Variants in HIVEP1 observed in about 807,000 individuals in gnomAD.
The protein encoded by HIVEP1 is zinc finger protein 40.
A neutral mutation model predicts 180.0 loss-of-function variants in HIVEP1; 36 were observed. The ratio of observed to expected loss-of-function variants is 0.20; its 90% CI spans 0.15 to 0.26. The LOEUF is 0.26. Ranked by LOEUF, HIVEP1 falls within the 10% of genes least tolerant of loss-of-function variation. HIVEP1 has a pLI of 1.00. For synonymous variants in HIVEP1, 1,239 were observed against 1,239.0 expected (o/e 1.00, Z 0.00); for missense variants, 3,143 against 3,268.7 (o/e 0.96, Z 0.94).
chr6:12,186,959 T>G, the HIVEP1 span, among the ~76,000 whole-genome samples: 1 of 151,822 alleles, frequency 6.6e-6, no homozygotes, highest in Admixed American at 6.6e-5. Flanking sequence ...ATGGAAAATC[T>G]GGAACTAAAA....
the HIVEP1 span, among the ~76,000 whole-genome samples, chr6:12,199,121 A>G: frequency 6.6e-6 from 1 of 152,168 alleles, no homozygotes; most frequent in Non-Finnish European, 1.5e-5. Flanking sequence ...TACAGTCTGT[A>G]ACAGTTATTA....
At chr6:12,180,720 A>G in the HIVEP1 span, among the ~76,000 whole-genome samples, 1 of 152,206 alleles carries the variant, frequency 6.6e-6, no homozygotes, top group Admixed American at 6.5e-5. Context: ...AGAAGCCACA[A>G]CTTCTTTTCC....
intron 2 of HIVEP1, among the ~76,000 whole-genome samples, chr6:12,036,901 C>T (rs1011900344): frequency 2.0e-5 from 3 of 152,214 alleles, no homozygotes; most frequent in Admixed American, 6.5e-5. Flanking sequence ...GAAGATTCAT[C>T]TCAAAAACCA....
the HIVEP1 span, among the ~76,000 whole-genome samples, chr6:12,199,779 T>A: frequency 2.0e-5 from 3 of 152,226 alleles, no homozygotes; most frequent in African/African-American, 7.2e-5. Context: ...ACATAAAAGC[T>A]ATATGTTGTG....
chr6:12,128,624 A>G (rs1581745670), intron 4 of HIVEP1, among the ~76,000 whole-genome samples: 1 of 152,162 alleles, frequency 6.6e-6, no homozygotes, highest in Non-Finnish European at 1.5e-5. Context: ...TGGGATATAT[A>G]GTCCACCTGT....
rs1178268199 is a variant in HIVEP1 at position 12,123,753 on chromosome 6, G to A, written c.3958G>A (p.Ala1320Thr). 3.7e-6 allele frequency: 6 copies of A among 1,614,046 alleles called. No individual in the cohort carries two copies. Among genetic ancestry groups the A allele is most frequent in the Non-Finnish European group, 5.1e-6 (6 of 1,180,016 alleles). Residue 1320 changes from alanine to threonine, a missense_variant, in exon 4 of 9, where the codon GCC (alanine) becomes ACC (threonine). This residue lies in a region of HIVEP1 where 1,357 missense variants were observed against 1,260.5 expected (regional missense o/e 1.08). Coordinates refer to ENST00000379388, the MANE Select transcript of HIVEP1 (RefSeq NM_002114.4). ...SSLSHTSSFS[A>T]SLDIEDVSKT... ...TTTATCTCACACTTCAAGTTTCTCA[G>A]CCTCTTTAGACATAGAGGACGTTTC... is the stretch of plus-strand genomic sequence containing the variant.
chr6:12,051,028 A>ATATATATATATATG (rs1195272910), intron 2 of HIVEP1, among the ~76,000 whole-genome samples: 3 of 136,146 alleles, frequency 2.2e-5, no homozygotes, highest in Admixed American at 7.2e-5. Context: ...ATATATATAT[A>ATATATATATATATG]TATGTATATT....
chr6:12,168,201 T>C (rs573117005), downstream of HIVEP1, among the ~76,000 whole-genome samples: 57 of 91,958 alleles, frequency 6.2e-4, 4 homozygotes, highest in East Asian at 3.0e-3. Flanking sequence ...CGTGTATATA[T>C]ACATATATAC....
At chr6:12,014,485 T>G (rs1163411690) in intron 1 of HIVEP1, among the ~76,000 whole-genome samples, 1 of 152,236 alleles carries the variant, frequency 6.6e-6, no homozygotes, top group Admixed American at 6.5e-5. Context: ...TCATAAGTGT[T>G]CTCTTGTCTT....
At chr6:12,189,187 A>C in the HIVEP1 span, among the ~76,000 whole-genome samples, 2 of 152,008 alleles carry the variant, frequency 1.3e-5, no homozygotes, top group Admixed American at 1.3e-4. Context: ...TTTCAGATTG[A>C]TTAAATATTT....
chr6:12,140,941 C>G (rs1758987814), intron 7 of HIVEP1, among the ~76,000 whole-genome samples: 1 of 152,152 alleles, frequency 6.6e-6, no homozygotes, highest in South Asian at 2.1e-4. Context: ...TTGGAAAACA[C>G]TCTTAGGGAT....
Position 12,063,684 on chromosome 6 carries a change from T to C in HIVEP1, c.41-25500T>C, listed in dbSNP as rs1330846183. On this transcript the variant is annotated intron_variant, in intron 2 of 8. Transcript: ENST00000379388. The surrounding 1 kb of genome is among the most constrained non-coding windows in gnomAD (Gnocchi z 4.2). ...GAGGAAGAATCAGAGGACTTGGGGA[T>C]TGCCAGAGTATTACACATTTGACAG... is the stretch of plus-strand genomic sequence containing the variant. 2.0e-5 allele frequency among the ~76,000 whole-genome samples: 3 copies of C among 151,966 alleles called. No homozygotes were observed. Among genetic ancestry groups the C allele is most frequent in the African/African-American group, 2.4e-5 (1 of 41,392 alleles).
rs199611604 is a variant in HIVEP1 at position 12,122,804 on chromosome 6, C to G, written c.3009C>G (p.Pro1003=). The G allele has an allele frequency of 7.4e-6, 12 of 1,613,538 alleles. No homozygotes were observed. In the South Asian group the frequency reaches 1.2e-4, roughly 16 times the overall value. ...GAGAACCTGAGCACAGCCCTGTGCC[C>G]GGCGGTCTGCAGCCTCAGATTCTAC... ...AMREPEHSPV[P]GGLQPQILHY... Residue 1003 remains proline (P), a synonymous_variant, in exon 4 of 9, where the codon CCC becomes CCG. Transcript: ENST00000379388.
rs529025512 is a variant in HIVEP1, at chr6:12,130,223, T to C, written c.6209+331T>C. On this transcript the variant is annotated intron_variant, in intron 5 of 8. Coordinates refer to ENST00000379388, the MANE Select transcript of HIVEP1 (RefSeq NM_002114.4). ...AGATGAATTCATTGCCCATTAGATA[T>C]CTTTGTGTATTTTGTTGTGAACAAA... 4.7e-4 allele frequency among the ~76,000 whole-genome samples: 71 copies of C among 152,334 alleles called. 1 individual carries two copies. The highest frequency in any genetic ancestry group is 6.8e-3 in the Middle Eastern group (2 of 294).
upstream of HIVEP1, among the ~76,000 whole-genome samples, chr6:12,010,132 G>A (rs1009932723): frequency 1.3e-5 from 2 of 152,198 alleles, no homozygotes; most frequent in African/African-American, 4.8e-5. Context: ...CTTTTTTGGT[G>A]ATTGCAACCT....
At chr6:12,039,996 CG>C (rs1769564601) in intron 2 of HIVEP1, among the ~76,000 whole-genome samples, 1 of 152,092 alleles carries the variant, frequency 6.6e-6, no homozygotes, top group Non-Finnish European at 1.5e-5. Flanking sequence ...AACTGTGGGG[CG>C]AGGATTCTGA....
At chr6:12,091,207 T>C (rs1773452510) in intron 3 of HIVEP1, among the ~76,000 whole-genome samples, 1 of 152,156 alleles carries the variant, frequency 6.6e-6, no homozygotes, top group Non-Finnish European at 1.5e-5. Context: ...GATATTCATT[T>C]CTTCCATCAA....
Position 12,152,138 on chromosome 6 carries a change from G to A in HIVEP1, c.6488-9301G>A, listed in dbSNP as rs1265720291. On this transcript the variant is annotated intron_variant, in intron 7 of 8. Transcript: ENST00000379388. ...GCCACTGCACTCCAGCCTGGGTGAC[G>A]GAGCAAGACTCCAAGACTTCATCTC... Among the ~76,000 whole-genome samples the A allele has an allele frequency of 3.9e-5, 6 of 151,906 alleles. No homozygotes were observed. The South Asian group carries it at 6.2e-4, about 16-fold the overall frequency.
intron 2 of HIVEP1, among the ~76,000 whole-genome samples, chr6:12,073,343 C>T (rs62395294): frequency 0.24 from 36,566 of 152,124 alleles, 5,405 homozygotes; most frequent in Non-Finnish European, 0.32. Context: ...TCCTTGTCTT[C>T]TACACAAGCA....
Sources: gnomAD v4.1 joint callset for allele counts (sites outside exome capture counted in the v4.1 genomes callset) on GRCh38, gnomAD v4.1.1 for gene constraint, gnomAD v4.1.1 regional missense constraint, Gnocchi (gnomAD v3.1) non-coding constraint, MANE v1.5 for transcripts, NCBI Gene and HGNC (gene_info 2026-07-23, HGNC 2026-07-21) for gene names.